The following EP400 variants were observed in gnomAD, a reference collection of about 807,000 sequenced individuals.
EP400 encodes E1A binding protein p400.
A neutral mutation model predicts 354.1 loss-of-function variants in EP400; 105 were observed. That is an observed-to-expected ratio of 0.30 (90% CI 0.25 to 0.35). The LOEUF (loss-of-function observed/expected upper bound fraction) is 0.35, where lower values mean the gene tolerates loss of function less well. Ranked by LOEUF, EP400 falls within the 10% of genes least tolerant of loss-of-function variation. The pLI is 1.00. For missense variants in EP400, 3,280 were observed against 4,121.0 expected, an observed-to-expected ratio of 0.80 and a Z score of 5.59; for synonymous variants, 1,646 against 1,716.9, an observed-to-expected ratio of 0.96 and a Z score of 1.02.
chr12:132,059,584 A>G (rs1041873499), intron 45 of EP400, among the ~76,000 whole-genome samples: 2 of 152,262 alleles, frequency 1.3e-5, no homozygotes, highest in African/African-American at 4.8e-5. Flanking sequence ...CTAGTATAAT[A>G]CAGTACAATA....
intron 2 of EP400, 53 bp downstream of exon 2, chr12:131,962,007 C>G (rs1891901226): frequency 1.3e-6 from 2 of 1,532,524 alleles, no homozygotes; most frequent in South Asian, 2.4e-5. Context: ...TGATCAGAGT[C>G]TATGCGACAA....
In EP400 at chr12:132,045,718, C is replaced by T. The variant is rs138728908; in HGVS notation, c.7027-9C>T. ...ATTCACCTGTTTTACCTGAAATCTC[C>T]TTCTCTAGGCTGTAAAGCAGTTACT... On this transcript the variant is annotated splice_polypyrimidine_tract_variant and intron_variant, in intron 38 of 52. Transcript: ENST00000389561. The T allele has an allele frequency of 7.6e-3, 12,288 of 1,613,966 alleles. 52 individuals are homozygous for T. Among genetic ancestry groups the T allele is most frequent in the Non-Finnish European group, 9.1e-3 (10,722 of 1,179,856 alleles).
chr12:132,053,462 G>T lies in EP400; in HGVS notation c.7593G>T (p.Ala2531=), dbSNP rs765720691. The T allele has an allele frequency of 1.7e-5, 24 of 1,453,608 alleles. No individual in the cohort carries two copies. Among genetic ancestry groups the T allele is most frequent in the Non-Finnish European group, 1.9e-5 (21 of 1,096,462 alleles). 90.0% of individuals were successfully genotyped at this position (1,453,608 alleles called of 1,614,324 possible). The part of the protein sequence containing the change: ...PPPPLPQPQA[A]GSQPPAGPPA... ...CACCGCTGCCACAACCACAGGCAGC[G>T]GGCAGCCAGCCGCCAGCAGGGCCAC... The change falls in exon 43 of 53, where the codon GCG becomes GCT. Residue 2531 remains alanine (A), a synonymous_variant. Coordinates refer to ENST00000389561, the MANE Select transcript of EP400 (RefSeq NM_015409.5).
rs2136548299 is a variant in EP400, at chr12:132,025,245, C to T, written c.4856-401C>T. 1.3e-5 allele frequency among the ~76,000 whole-genome samples: 2 copies of T among 152,322 alleles called. No individual in the cohort carries two copies. The highest frequency in any genetic ancestry group is 1.3e-4 in the Admixed American group (2 of 15,302). On this transcript the variant is annotated intron_variant, in intron 24 of 52. Transcript: ENST00000389561. This position sits in a 1 kb window ranked among gnomAD's most constrained non-coding sequence, Gnocchi z 4.1. ...CCAAAGTGGCAGCCTCGTTAAACAG[C>T]AGCAGAAAAGCCACAGGCATCTGGG...
At chr12:132,036,927 G>T (rs7488356) in intron 30 of EP400, among the ~76,000 whole-genome samples, 42,728 of 151,938 alleles carry the variant, frequency 0.28, 10,176 homozygotes, top group African/African-American at 0.65. Flanking sequence ...TCCCTATGAT[G>T]GTTTCTCTTT....
chr12:131,952,672 G>T (rs958514891), intron 1 of EP400, among the ~76,000 whole-genome samples: 1 of 152,104 alleles, frequency 6.6e-6, no homozygotes, highest in African/African-American at 2.4e-5. Flanking sequence ...GGCTTGTCTT[G>T]AATTCTTGGA....
At position 132,067,319 on chromosome 12, in the gene EP400, T is replaced by C. The variant is rs1221246860; in HGVS notation, c.8750-43T>C. ...ACAGAGCTTGGCGTGAGCCTCAAGC[T>C]CTTTTCCCAGTGTGCTGACTAAGGG... is the stretch of plus-strand genomic sequence containing the variant. On this transcript the variant is annotated intron_variant, in intron 49 of 52. Coordinates refer to ENST00000389561, the MANE Select transcript of EP400 (RefSeq NM_015409.5). This position sits in a 1 kb window ranked among gnomAD's most constrained non-coding sequence, Gnocchi z 5.3. 2 of 1,596,798 alleles carry C rather than the reference T, an allele frequency of 1.3e-6. No homozygotes were observed. Among genetic ancestry groups the C allele is most frequent in the African/African-American group, 1.3e-5 (1 of 74,422 alleles).
chr12:132,058,406 G>A (rs1280721541), intron 45 of EP400, among the ~76,000 whole-genome samples: 2 of 143,996 alleles, frequency 1.4e-5, no homozygotes, highest in African/African-American at 5.4e-5. Flanking sequence ...CCAGGCTAAA[G>A]TGCAGTGGTG....
intron 1 of EP400, among the ~76,000 whole-genome samples, chr12:131,950,294 G>C (rs1891419117): frequency 6.6e-6 from 1 of 152,110 alleles, no homozygotes; most frequent in Non-Finnish European, 1.5e-5. Context: ...CCCATTTCTC[G>C]TGGCCCCCCG....
In EP400 at chr12:132,066,837, G is replaced by T. The variant is rs201476885; in HGVS notation, c.8617G>T (p.Ala2873Ser). 44 of 1,613,948 alleles carry T rather than the reference G, an allele frequency of 2.7e-5. No homozygotes were observed. Among genetic ancestry groups the T allele is most frequent in the Middle Eastern group, 1.6e-4 (1 of 6,084 alleles). Reference sequence around the variant, plus strand: ...GATGCAGACCCAGGCACCCCAGCCAGCCCAGGTGGCCTTGGCGAAGCCTCC... The same window carrying T: ...GATGCAGACCCAGGCACCCCAGCCATCCCAGGTGGCCTTGGCGAAGCCTCC... The part of the protein sequence containing the change: ...GQMQTQAPQP[A>S]QVALAKPPVV... Residue 2873 changes from alanine (A) to serine (S), a missense_variant, in exon 49 of 53, where the codon GCC becomes TCC. Coordinates refer to ENST00000389561, the MANE Select transcript of EP400 (RefSeq NM_015409.5).
intron 21 of EP400, among the ~76,000 whole-genome samples, chr12:132,019,415 C>T (rs1894050526): frequency 6.6e-6 from 1 of 152,104 alleles, no homozygotes; most frequent in Non-Finnish European, 1.5e-5. Context: ...ATATAGTTCC[C>T]AGCTTAAAGT....
chr12:132,036,947 G>T (rs775352572), intron 30 of EP400, among the ~76,000 whole-genome samples: 1 of 152,020 alleles, frequency 6.6e-6, no homozygotes, highest in Non-Finnish European at 1.5e-5. Flanking sequence ...TAATATTTAG[G>T]ATCCTTTTAA....
rs959186879 is a variant in EP400, at chr12:132,011,648, A to T, written c.3441+14A>T. 1 of 1,582,560 alleles carries T rather than the reference A, an allele frequency of 6.3e-7. No individual in the cohort carries two copies. The highest frequency in any genetic ancestry group is 8.6e-7 in the Non-Finnish European group (1 of 1,169,268). On this transcript the variant is annotated intron_variant, in intron 16 of 52. Coordinates refer to ENST00000389561, the MANE Select transcript of EP400 (RefSeq NM_015409.5). ...GCAAAGAGACAGGTATTTTTTTTTT[A>T]AACATAAAATAAAGCTAAACAGAAA...
At chr12:132,005,230 C>A in intron 13 of EP400, 46 bp downstream of exon 13, 2 of 1,376,548 alleles carry the variant, frequency 1.5e-6, no homozygotes, top group East Asian at 2.7e-5. Context: ...AAGCAGAAGC[C>A]GGAGTACTTA....
intron 51 of EP400, among the ~76,000 whole-genome samples, chr12:132,071,313 C>T (rs572016214): frequency 3.3e-5 from 5 of 152,108 alleles, no homozygotes; most frequent in Non-Finnish European, 5.9e-5. Flanking sequence ...ATGTCTGTAG[C>T]CACTTACTGT....
rs1319061658 is a variant in EP400, at chr12:131,982,415, C to T, written c.1866C>T (p.Ala622=). The T allele has an allele frequency of 6.2e-7, 1 of 1,614,150 alleles. No homozygotes were observed. Among genetic ancestry groups the T allele is most frequent in the African/African-American group, 1.3e-5 (1 of 75,056 alleles). ...PIPPSQPAQL[A]LHVPTPGKVQ... is the part of the protein sequence containing the mutation. ...CTCCCTCGCAGCCTGCACAGCTGGC[C>T]CTCCACGTTCCCACACCTGGAAAGG... The change falls in exon 5 of 53, where the codon GCC becomes GCT. Residue 622 remains alanine (A), a synonymous_variant. Coordinates refer to ENST00000389561, the MANE Select transcript of EP400 (RefSeq NM_015409.5).
intron 4 of EP400, among the ~76,000 whole-genome samples, chr12:131,981,872 G>A (rs183730991): frequency 6.6e-6 from 1 of 152,216 alleles, no homozygotes; most frequent in African/African-American, 2.4e-5. Flanking sequence ...CTGTTGTAGG[G>A]GTGCCCTGTG....
At chr12:131,957,686 C>T (rs1891749509) in intron 1 of EP400, among the ~76,000 whole-genome samples, 1 of 152,180 alleles carries the variant, frequency 6.6e-6, no homozygotes, top group African/African-American at 2.4e-5. Context: ...ACCTCCGCCT[C>T]TCAGGTTCAA....
chr12:131,972,777 G>T (rs1892340269), intron 2 of EP400, among the ~76,000 whole-genome samples: 1 of 140,046 alleles, frequency 7.1e-6, no homozygotes, highest in Non-Finnish European at 1.5e-5. Flanking sequence ...TGTTGTCCAG[G>T]CTGGAGTGCA....
Sources: gnomAD v4.1 joint callset for allele counts (sites outside exome capture counted in the v4.1 genomes callset) on GRCh38, gnomAD v4.1.1 for gene constraint, Gnocchi (gnomAD v3.1) non-coding constraint, MANE v1.5 for transcripts, NCBI Gene and HGNC (gene_info 2026-07-23, HGNC 2026-07-21) for gene names.